Variants in TCF12 observed in about 807,000 individuals in gnomAD.
TCF12 encodes the protein transcription factor 12.
In TCF12, 45 loss-of-function variants were observed where a neutral mutation model predicts 86.0. The observed-to-expected ratio is 0.52, with a 90% CI of 0.41 to 0.67. TCF12 has a LOEUF of 0.67. Among genes scored for constraint, TCF12 ranks in the 30% least tolerant of loss-of-function variants. The pLI is 0.00. For synonymous variants in TCF12, 330 were observed against 299.6 expected, an observed-to-expected ratio of 1.10 and a Z score of -1.05; for missense variants, 881 against 859.9, an observed-to-expected ratio of 1.02 and a Z score of -0.31.
chr15:57,104,823 C>T (rs1383666514), intron 5 of TCF12, among the ~76,000 whole-genome samples: 1 of 148,162 alleles, frequency 6.7e-6, no homozygotes, highest in South Asian at 2.1e-4. Context: ...TTCACTGTCC[C>T]TCTCCTTTTC....
At chr15:56,962,152 A>AT (rs1453960678) in intron 3 of TCF12, among the ~76,000 whole-genome samples, 3 of 151,062 alleles carry the variant, frequency 2.0e-5, no homozygotes, top group African/African-American at 4.8e-5. Flanking sequence ...AAAAAAAAAA[A>AT]AAATATGTTT....
chr15:57,191,624 G>C (rs1247057318), intron 6 of TCF12, among the ~76,000 whole-genome samples: 1 of 152,088 alleles, frequency 6.6e-6, no homozygotes, highest in Non-Finnish European at 1.5e-5. Context: ...AGATTTTATG[G>C]ATCTACATAA....
chr15:57,265,598 A>G (rs778637416), intron 18 of TCF12, among the ~76,000 whole-genome samples: 29 of 152,096 alleles, frequency 1.9e-4, no homozygotes, highest in Non-Finnish European at 3.7e-4. Context: ...TTAGAAGTGT[A>G]TTTTGGTTTT....
chr15:57,272,891 G>A, intron 18 of TCF12, 139 bp from the exon 19 acceptor site: 1 of 775,644 alleles, frequency 1.3e-6, no homozygotes, highest in South Asian at 1.9e-5. Flanking sequence ...ATACAGTCAT[G>A]TTAACTGCAC....
intron 5 of TCF12, among the ~76,000 whole-genome samples, chr15:57,138,871 T>G (rs940678228): frequency 6.6e-6 from 1 of 152,166 alleles, no homozygotes; most frequent in Non-Finnish European, 1.5e-5. Context: ...TACTAAATGA[T>G]CAAAATTTTA....
At chr15:57,075,836 T>TCTCTCTC (rs1567371379) in intron 4 of TCF12, among the ~76,000 whole-genome samples, 96 of 22,374 alleles carry the variant, frequency 4.3e-3, no homozygotes, top group Middle Eastern at 0.028. Flanking sequence ...CTCTCTCTCT[T>TCTCTCTC]TTCTTTCTTT....
chr15:57,251,114 T>A (rs1221680736), intron 13 of TCF12: 3 of 414,006 alleles, frequency 7.2e-6, no homozygotes, highest in Non-Finnish European at 1.3e-5. Flanking sequence ...TAAAGGTAGC[T>A]GTATTTAAAA....
At chr15:57,073,056 T>A (rs2069553477) in intron 4 of TCF12, among the ~76,000 whole-genome samples, 1 of 152,174 alleles carries the variant, frequency 6.6e-6, no homozygotes, top group Admixed American at 6.5e-5. Flanking sequence ...CAATTAAAGC[T>A]TCTGTTTTTT....
chr15:57,185,502 G>A (rs1365116999), intron 6 of TCF12, among the ~76,000 whole-genome samples: 1 of 152,090 alleles, frequency 6.6e-6, no homozygotes, highest in Non-Finnish European at 1.5e-5. Flanking sequence ...ATTGAAGAAA[G>A]CAGAAGAAGA....
At chr15:57,097,263 A>C (rs1349451150) in intron 5 of TCF12, among the ~76,000 whole-genome samples, 1 of 152,088 alleles carries the variant, frequency 6.6e-6, no homozygotes, top group Non-Finnish European at 1.5e-5. Flanking sequence ...CTTTTGGCTT[A>C]GTGGGGTGGC....
chr15:56,959,735 T>C (rs1457709692), intron 3 of TCF12, among the ~76,000 whole-genome samples: 1 of 152,218 alleles, frequency 6.6e-6, no homozygotes, highest in East Asian at 1.9e-4. Flanking sequence ...TACATTCGGA[T>C]ATCAAATGCT....
intron 4 of TCF12, among the ~76,000 whole-genome samples, chr15:57,065,279 A>T (rs2068776968): frequency 1.3e-5 from 2 of 152,186 alleles, no homozygotes; most frequent in South Asian, 4.1e-4. Flanking sequence ...TGTATTGTGA[A>T]CCAGCCATTT....
intron 3 of TCF12, among the ~76,000 whole-genome samples, chr15:57,023,559 C>G (rs932248861): frequency 2.0e-5 from 3 of 152,076 alleles, no homozygotes; most frequent in Non-Finnish European, 4.4e-5. Flanking sequence ...TCCCAAACCT[C>G]TTAATAATTA....
chr15:57,284,441 C>T (rs893732829), intron 20 of TCF12, among the ~76,000 whole-genome samples: 1 of 152,176 alleles, frequency 6.6e-6, no homozygotes, highest in Admixed American at 6.5e-5. Flanking sequence ...AACTCCTGAC[C>T]TCAAGCGATC....
intron 4 of TCF12, among the ~76,000 whole-genome samples, chr15:57,071,056 T>C (rs937055433): frequency 6.6e-6 from 1 of 152,164 alleles, no homozygotes; most frequent in Non-Finnish European, 1.5e-5. Flanking sequence ...GGTGAATAAA[T>C]GTGTATCTTA....
At chr15:57,104,238 A>G (rs1211116693) in intron 5 of TCF12, among the ~76,000 whole-genome samples, 1 of 152,122 alleles carries the variant, frequency 6.6e-6, no homozygotes, top group Admixed American at 6.5e-5. Context: ...TATACAGAAA[A>G]AAATACTTAA....
intron 4 of TCF12, among the ~76,000 whole-genome samples, chr15:57,087,411 CAAA>C (rs5812863): frequency 3.0e-5 from 4 of 131,504 alleles, no homozygotes; most frequent in Admixed American, 7.8e-5. Context: ...GACCCTGTCT[CAAA>C]AAAAAAAAAA....
Position 57,288,799 on chromosome 15 carries a change from T to C in TCF12, c.*2654T>C, listed in dbSNP as rs1052472253. 25 of 152,208 alleles carry C rather than the reference T, an allele frequency of 1.6e-4. No homozygotes were observed. The highest frequency in any genetic ancestry group is 6.0e-4 in the African/African-American group (25 of 41,532). 9.4% of individuals were successfully genotyped at this position (152,208 alleles called of 1,614,324 possible). On this transcript the variant is annotated 3_prime_UTR_variant, in exon 21 of 21. Coordinates refer to ENST00000333725, the MANE Select transcript of TCF12 (RefSeq NM_207037.2). ...AACAGCAACTAGTAGTTATAGAAAA[T>C]CTACTCATTTGTAGATACAGAGAAA...
intron 19 of TCF12, among the ~76,000 whole-genome samples, chr15:57,281,283 C>G (rs1277209673): frequency 1.3e-5 from 2 of 152,116 alleles, no homozygotes; most frequent in Admixed American, 1.3e-4. Context: ...TGTTTGCTAT[C>G]TTTTATAAGA....
Sources: allele counts gnomAD v4.1 joint callset (sites outside exome capture counted in the v4.1 genomes callset), GRCh38; gene constraint gnomAD v4.1.1; transcripts MANE v1.5; gene names NCBI Gene and HGNC (gene_info 2026-07-23, HGNC 2026-07-21).